Variants in MDM1 observed in about 807,000 individuals in gnomAD.
The protein encoded by MDM1 is Mdm1 nuclear protein.
A neutral mutation model predicts 89.1 loss-of-function variants in MDM1; 61 were observed. That is an observed-to-expected ratio of 0.68 (90% CI 0.56 to 0.85). MDM1 has a LOEUF of 0.85. Among genes scored for constraint, MDM1 ranks in the 40% least tolerant of loss-of-function variants. The probability of loss-of-function intolerance (pLI) is 0.00; values close to 1 mark genes in which losing one functional copy is unlikely to be tolerated. For synonymous variants in MDM1, 290 were observed against 294.1 expected (o/e 0.99, Z 0.14); for missense variants, 820 against 846.5 (o/e 0.97, Z 0.39).
At chr12:68,297,417 G>A (rs1174119355) in intron 13 of MDM1, among the ~76,000 whole-genome samples, 1 of 152,202 alleles carries the variant, frequency 6.6e-6, no homozygotes, top group Non-Finnish European at 1.5e-5. Context: ...GCAAATGGAA[G>A]AGCAGTGAGT....
chr12:68,322,216 T>C (rs1035426562), intron 5 of MDM1, among the ~76,000 whole-genome samples: 17 of 152,338 alleles, frequency 1.1e-4, no homozygotes, highest in African/African-American at 4.1e-4. Context: ...TTTATAATCA[T>C]GTTAGCCTGA....
chr12:68,314,566 A>G (rs1874196689), intron 10 of MDM1, among the ~76,000 whole-genome samples: 1 of 152,264 alleles, frequency 6.6e-6, no homozygotes, highest in Non-Finnish European at 1.5e-5. Context: ...ATCACTTTTT[A>G]AAAAATATTA....
chr12:68,311,405 C>T (rs1873664717), intron 12 of MDM1, among the ~76,000 whole-genome samples: 2 of 152,174 alleles, frequency 1.3e-5, no homozygotes, highest in East Asian at 1.9e-4. Flanking sequence ...ACATCTTCCC[C>T]AGCCTTATTC....
In MDM1 at chr12:68,315,049, A is replaced by G. The variant is rs1224700251; in HGVS notation, c.1428T>C (p.Asn476=). 4 of 1,613,456 alleles carry G rather than the reference A, an allele frequency of 2.5e-6. No homozygotes were observed. Among genetic ancestry groups the G allele is most frequent in the East Asian group, 2.2e-5 (1 of 44,862 alleles). ...QPGEKEEEDD[N]EEEGDRKTGK... ...CCGTTTTCCTGTCCCCTTCCTCTTCATTGTCGTCCTCCTCCTCTTTCTCCC... is the reference window on the plus strand; with the variant it reads ...CCGTTTTCCTGTCCCCTTCCTCTTCGTTGTCGTCCTCCTCCTCTTTCTCCC... Residue 476 remains asparagine, a synonymous_variant, in exon 10 of 15, where the codon AAT becomes AAC. Transcript: ENST00000682720.
At chr12:68,323,480 G>A in intron 4 of MDM1, 1 of 319,188 alleles carries the variant, frequency 3.1e-6, no homozygotes, top group African/African-American at 2.2e-5. Context: ...AATAAACGTT[G>A]GCATATTTTC....
intron 12 of MDM1, among the ~76,000 whole-genome samples, chr12:68,304,065 T>C (rs2120815981): frequency 6.6e-6 from 1 of 152,162 alleles, no homozygotes; most frequent in African/African-American, 2.4e-5. Context: ...TAAGCCATGA[T>C]TGCATCACTG....
At chr12:68,329,888 A>G (rs1565789163) in intron 2 of MDM1, among the ~76,000 whole-genome samples, 1 of 152,220 alleles carries the variant, frequency 6.6e-6, no homozygotes, top group African/African-American at 2.4e-5. Context: ...ATGACCTCTG[A>G]AATTACATGC....
rs201929641 is a variant in MDM1, at chr12:68,302,719, G to A, written c.1903C>T (p.Pro635Ser). 6.2e-7 allele frequency: 1 copy of A among 1,613,898 alleles called. No individual in the cohort carries two copies. The highest frequency in any genetic ancestry group is 8.5e-7 in the Non-Finnish European group (1 of 1,179,962). ...GGTGGAGAAGGCAACTGTCCAGGGG[G>A]ATTTGTTGGGTATTTTGGAATTTTT... ...VSKIPKYPTN[P>S]PGQLPSPPHV... Residue 635 changes from proline (P) to serine (S), a missense_variant, in exon 13 of 15, where the codon CCC becomes TCC. Pro to Ser is a moderately conservative substitution (Grantham distance 74). Transcript: ENST00000682720.
At chr12:68,316,461 C>CGA in intron 8 of MDM1, 120 bp downstream of exon 8, 1 of 980,646 alleles carries the variant, frequency 1.0e-6, no homozygotes. Flanking sequence ...TTATTTCAGA[C>CGA]CAGCAGGCAG....
chr12:68,315,122 A>C lies in MDM1; in HGVS notation c.1355T>G (p.Leu452Arg), dbSNP rs1362638035. Reference protein sequence around the residue: ...SAPTIPVRRRLAWDTENTSED... With the variant: ...SAPTIPVRRRRAWDTENTSED... ...ACTTGTGTTCTCTGTATCCCAAGCC[A>C]GCCGCCTTCTAACGGGTATGGTGGG... Residue 452 changes from leucine to arginine, a missense_variant, in exon 10 of 15, where the codon CTG becomes CGG. By Grantham distance (102) the Leu-to-Arg change is moderately radical (BLOSUM62 -2). Coordinates refer to ENST00000682720, the MANE Select transcript of MDM1 (RefSeq NM_001354969.2). The C allele has an allele frequency of 3.1e-6, 5 of 1,613,938 alleles. No homozygotes were observed. In the South Asian group the frequency reaches 4.4e-5, roughly 14 times the overall value.
At chr12:68,325,612 A>C (rs1875860371) in intron 3 of MDM1, 37 bp from the exon 4 acceptor site, 1 of 1,463,592 alleles carries the variant, frequency 6.8e-7, no homozygotes, top group East Asian at 2.5e-5. Flanking sequence ...AGACATTAAA[A>C]ATTTCTATTC....
chr12:68,326,294 G>C, intron 3 of MDM1: 1 of 1,267,372 alleles, frequency 7.9e-7, no homozygotes, highest in Non-Finnish European at 9.9e-7. Flanking sequence ...AAACTGAAAA[G>C]GGGCTAGGTA....
intron 13 of MDM1, among the ~76,000 whole-genome samples, chr12:68,300,817 A>C (rs950055841): frequency 1.3e-5 from 2 of 152,242 alleles, no homozygotes; most frequent in African/African-American, 4.8e-5. Context: ...AATGGACTTA[A>C]CAGATATTTA....
intron 7 of MDM1, among the ~76,000 whole-genome samples, chr12:68,320,788 T>A (rs1213411065): frequency 1.3e-5 from 2 of 152,198 alleles, no homozygotes; most frequent in African/African-American, 4.8e-5. Context: ...ATCCTTTGAG[T>A]ATAAGAAGCT....
chr12:68,304,535 T>C (rs1872623793), intron 12 of MDM1, among the ~76,000 whole-genome samples: 1 of 152,238 alleles, frequency 6.6e-6, no homozygotes, highest in East Asian at 1.9e-4. Flanking sequence ...GTTTTCCTTT[T>C]TAAACAAGTA....
intron 7 of MDM1, 124 bp from the exon 8 acceptor site, chr12:68,316,734 C>T (rs56198673): frequency 1.2e-6 from 1 of 822,318 alleles, no homozygotes; most frequent in Middle Eastern, 2.4e-4. Flanking sequence ...ATCAATATTT[C>T]TTGGGATTTT....
chr12:68,329,437 T>G (rs1165621758), intron 2 of MDM1, among the ~76,000 whole-genome samples: 1 of 152,198 alleles, frequency 6.6e-6, no homozygotes, highest in Non-Finnish European at 1.5e-5. Flanking sequence ...TTATGTGACT[T>G]ACATGCCATG....
In MDM1 at chr12:68,332,293, A is replaced by G. The variant is rs1876969668; in HGVS notation, c.-48T>C. ...GCTACTCCGACAGTTAACTGGAGAAAAAGCTCCGAGGGGGCGGGGCGATAA... is the reference window on the plus strand; with the variant it reads ...GCTACTCCGACAGTTAACTGGAGAAGAAGCTCCGAGGGGGCGGGGCGATAA... On this transcript the variant is annotated 5_prime_UTR_variant, in exon 1 of 15. Transcript: ENST00000682720. 6.4e-7 allele frequency: 1 copy of G among 1,557,060 alleles called. No homozygotes were observed. Among genetic ancestry groups the G allele is most frequent in the Non-Finnish European group, 8.7e-7 (1 of 1,152,860 alleles).
chr12:68,303,876 G>GCA (rs1872543888), intron 12 of MDM1, among the ~76,000 whole-genome samples: 1 of 152,158 alleles, frequency 6.6e-6, no homozygotes, highest in African/African-American at 2.4e-5. Flanking sequence ...AGTTTGGTCA[G>GCA]TATTTGCTGT....
Sources: gnomAD v4.1 joint callset for allele counts (sites outside exome capture counted in the v4.1 genomes callset) on GRCh38, gnomAD v4.1.1 for gene constraint, MANE v1.5 for transcripts, NCBI Gene and HGNC (gene_info 2026-07-23, HGNC 2026-07-21) for gene names.